XKR6: variants seen among roughly 807,000 people sequenced by gnomAD.
XKR6 encodes the protein XK-related protein 6.
A neutral mutation model predicts 56.7 loss-of-function variants in XKR6; 22 were observed. The observed-to-expected ratio is 0.39, with a 90% CI of 0.28 to 0.55. The LOEUF (loss-of-function observed/expected upper bound fraction) is 0.55. Ranked by LOEUF, XKR6 falls within the 20% of genes least tolerant of loss-of-function variation. The pLI, the probability that XKR6 is intolerant of heterozygous loss-of-function variation, is 0.66. For missense variants in XKR6, 852 were observed against 889.0 expected (o/e 0.96, Z 0.53); for synonymous variants, 524 against 387.8 (o/e 1.35, Z -4.13).
chr8:11,023,854 A>G (rs2129149361), intron 1 of XKR6, among the ~76,000 whole-genome samples: 1 of 152,308 alleles, frequency 6.6e-6, no homozygotes, highest in East Asian at 1.9e-4. Flanking sequence ...TTACCAGGGT[A>G]CGATGTCCTT....
At position 10,900,754 on chromosome 8, in the gene XKR6, T is replaced by C. The variant is rs925893080; in HGVS notation, c.962-1838A>G. Among the ~76,000 whole-genome samples the C allele has an allele frequency of 3.9e-5, 6 of 152,224 alleles. No homozygotes were observed. The South Asian group carries it at 1.2e-3, about 32-fold the overall frequency. On this transcript the variant is annotated intron_variant, in intron 2 of 2. Transcript: ENST00000416569. The stretch of plus-strand genomic sequence containing the variant: ...CTGCACATGGTTGGTCAGGGAACCT[T>C]TTAGTGCTCACATTGTCTGTTAGGG...
chr8:11,010,130 G>A (rs915842364), intron 1 of XKR6, among the ~76,000 whole-genome samples: 1 of 152,154 alleles, frequency 6.6e-6, no homozygotes, highest in Non-Finnish European at 1.5e-5. Flanking sequence ...AAGGTGAAAG[G>A]AAGTAGTCAT....
At chr8:10,928,295 G>A (rs1459825767) in intron 1 of XKR6, among the ~76,000 whole-genome samples, 2 of 152,198 alleles carry the variant, frequency 1.3e-5, no homozygotes, top group Non-Finnish European at 2.9e-5. Context: ...GAGGATCCTG[G>A]CAGCTCCTGC....
intron 1 of XKR6, among the ~76,000 whole-genome samples, chr8:11,052,198 C>A (rs1205127221): frequency 6.6e-6 from 1 of 152,120 alleles, no homozygotes; most frequent in Non-Finnish European, 1.5e-5. Context: ...GGGTCTCCTG[C>A]CTGGAAGGCT....
chr8:11,098,851 A>G (rs981959686), intron 1 of XKR6, among the ~76,000 whole-genome samples: 3 of 152,204 alleles, frequency 2.0e-5, no homozygotes, highest in Non-Finnish European at 4.4e-5. Flanking sequence ...GTTCTGTTTC[A>G]AAAGTTGGTT....
intron 1 of XKR6, among the ~76,000 whole-genome samples, chr8:10,965,570 G>A (rs1396664387): frequency 6.6e-6 from 1 of 152,252 alleles, no homozygotes; most frequent in East Asian, 1.9e-4. Context: ...CAGGGGGCCT[G>A]TGGGACGGGC....
At chr8:11,135,034 AT>A (rs35184172) in intron 1 of XKR6, among the ~76,000 whole-genome samples, 53,632 of 139,966 alleles carry the variant, frequency 0.38, 9,821 homozygotes, top group Middle Eastern at 0.49. Flanking sequence ...AAATGCACTA[AT>A]TTTTTTTTTT....
intron 1 of XKR6, among the ~76,000 whole-genome samples, chr8:11,168,764 T>C (rs1204009938): frequency 6.6e-6 from 1 of 152,070 alleles, no homozygotes; most frequent in Non-Finnish European, 1.5e-5. Flanking sequence ...GCCTGAAAAA[T>C]CAGGCTGCAG....
At chr8:10,939,727 C>T (rs911106130) in intron 1 of XKR6, among the ~76,000 whole-genome samples, 4 of 152,326 alleles carry the variant, frequency 2.6e-5, no homozygotes, top group South Asian at 2.1e-4. Context: ...GCTCTGCTTT[C>T]GACCAGAGAC....
chr8:11,075,295 C>T (rs1401716459), intron 1 of XKR6, among the ~76,000 whole-genome samples: 1 of 152,220 alleles, frequency 6.6e-6, no homozygotes, highest in East Asian at 1.9e-4. Context: ...AGAGCCTGGA[C>T]TTTGCTCACT....
chr8:10,908,568 C>T (rs774688895), intron 2 of XKR6, among the ~76,000 whole-genome samples: 4 of 152,124 alleles, frequency 2.6e-5, no homozygotes, highest in Non-Finnish European at 5.9e-5. Flanking sequence ...CTGGAATGCT[C>T]TTCTTCCAGT....
chr8:10,956,241 G>A lies in XKR6; in HGVS notation c.765-31411C>T, dbSNP rs112720764. ...GCTGATCTTCAAAAGTGAATTTGCG[G>A]AGCCTTCCTCTGTGGCCTCCCTCAC... On this transcript the variant is annotated intron_variant, in intron 1 of 2. Coordinates refer to ENST00000416569, the MANE Select transcript of XKR6 (RefSeq NM_173683.4). 8.1e-3 allele frequency among the ~76,000 whole-genome samples: 1,239 copies of A among 152,302 alleles called. 6 individuals are homozygous for A. Among genetic ancestry groups the A allele is most frequent in the Middle Eastern group, 0.017 (5 of 294 alleles).
chr8:10,963,606 G>A (rs1238694443), intron 1 of XKR6, among the ~76,000 whole-genome samples: 2 of 151,668 alleles, frequency 1.3e-5, no homozygotes, highest in Non-Finnish European at 2.9e-5. Context: ...CCACGGTATG[G>A]TCATGGAGCA....
rs1416028683 is a variant in XKR6, at chr8:11,119,043, T to C, written c.764+81533A>G. Among the ~76,000 whole-genome samples the C allele has an allele frequency of 5.9e-5, 9 of 152,068 alleles. No individual in the cohort carries two copies. The East Asian group carries it at 1.7e-3, about 29-fold the overall frequency. On this transcript the variant is annotated intron_variant, in intron 1 of 2. Coordinates refer to ENST00000416569, the MANE Select transcript of XKR6 (RefSeq NM_173683.4). ...TCGTTGGTTTCAAAGAACATCTTTA[T>C]TTCTGCCTTCATTTCATGATGTACC...
intron 1 of XKR6, among the ~76,000 whole-genome samples, chr8:11,150,345 T>A (rs1483738340): frequency 6.6e-6 from 1 of 152,200 alleles, no homozygotes; most frequent in Non-Finnish European, 1.5e-5. Flanking sequence ...ATGTACCCCA[T>A]GAATATGTAA....
intron 1 of XKR6, among the ~76,000 whole-genome samples, chr8:11,145,703 AG>A (rs1163612126): frequency 6.6e-6 from 1 of 152,244 alleles, no homozygotes; most frequent in African/African-American, 2.4e-5. Context: ...GAGAAATTAA[AG>A]ATCTAAATAA....
At chr8:11,088,118 C>T (rs999306742) in intron 1 of XKR6, among the ~76,000 whole-genome samples, 1 of 152,198 alleles carries the variant, frequency 6.6e-6, no homozygotes, top group Non-Finnish European at 1.5e-5. Context: ...TAAGAAAATT[C>T]TATTCAGTGT....
chr8:11,033,032 GTAA>G (rs1430279531), intron 1 of XKR6, among the ~76,000 whole-genome samples: 3 of 152,118 alleles, frequency 2.0e-5, no homozygotes, highest in African/African-American at 4.8e-5. Flanking sequence ...GATGATGATG[GTAA>G]TAATGATGAA....
At chr8:10,935,132 G>C (rs1188672721) in intron 1 of XKR6, among the ~76,000 whole-genome samples, 1 of 89,848 alleles carries the variant, frequency 1.1e-5, no homozygotes, top group Non-Finnish European at 2.3e-5. Flanking sequence ...TCTTGGGAGA[G>C]TGTATGTGTC....
Sources: gnomAD v4.1 joint callset for allele counts (sites outside exome capture counted in the v4.1 genomes callset) on GRCh38, gnomAD v4.1.1 for gene constraint, MANE v1.5 for transcripts, NCBI Gene and HGNC (gene_info 2026-07-23, HGNC 2026-07-21) for gene names.